FOXP2: variants seen among roughly 807,000 people sequenced by gnomAD.
FOXP2 encodes the protein forkhead box P2, also known as forkhead box protein P2.
In FOXP2, 12 loss-of-function variants were observed where a neutral mutation model predicts 115.8. That is an observed-to-expected ratio of 0.10 (90% CI 0.07 to 0.17). The LOEUF is 0.17. FOXP2 is among the 10% of genes least tolerant of loss of function. The pLI is 1.00. For missense variants in FOXP2, 629 were observed against 843.5 expected, an observed-to-expected ratio of 0.75 and a Z score of 3.15; for synonymous variants, 328 against 297.7, an observed-to-expected ratio of 1.10 and a Z score of -1.05.
chr7:114,190,307 C>T (rs1429155777), intron 1 of FOXP2, among the ~76,000 whole-genome samples: 3 of 152,048 alleles, frequency 2.0e-5, no homozygotes, highest in African/African-American at 7.2e-5. Flanking sequence ...TGACCTTCAC[C>T]GTGGAGGGTG....
intron 3 of FOXP2, among the ~76,000 whole-genome samples, chr7:114,567,522 T>C (rs1801084987): frequency 6.6e-6 from 1 of 152,142 alleles, no homozygotes; most frequent in Non-Finnish European, 1.5e-5. Flanking sequence ...GAAGAATAGA[T>C]TCCTTCTGAA....
At chr7:114,378,054 C>T (rs1792184969) in intron 2 of FOXP2, among the ~76,000 whole-genome samples, 1 of 152,104 alleles carries the variant, frequency 6.6e-6, no homozygotes, top group Non-Finnish European at 1.5e-5. Context: ...CCTCCCTGAC[C>T]TTCCATAGAT....
chr7:114,380,278 G>A (rs913826824), intron 2 of FOXP2, among the ~76,000 whole-genome samples: 4 of 152,162 alleles, frequency 2.6e-5, no homozygotes, highest in African/African-American at 4.8e-5. Context: ...TGGGCATGGA[G>A]GACTAGGTAA....
intron 1 of FOXP2, among the ~76,000 whole-genome samples, chr7:114,222,904 C>T (rs1395648418): frequency 1.3e-5 from 2 of 152,166 alleles, no homozygotes; most frequent in Non-Finnish European, 2.9e-5. Context: ...AGAATCCATA[C>T]TCAACTAAAG....
chr7:114,326,235 T>C (rs1259525220), intron 2 of FOXP2, among the ~76,000 whole-genome samples: 1 of 152,034 alleles, frequency 6.6e-6, no homozygotes, highest in African/African-American at 2.4e-5. Context: ...TAGCAAAGAG[T>C]ACAAAGTTTG....
chr7:114,579,976 T>A (rs1243190819), intron 3 of FOXP2, among the ~76,000 whole-genome samples: 2 of 152,190 alleles, frequency 1.3e-5, no homozygotes, highest in Non-Finnish European at 2.9e-5. Context: ...AGGAGAGGTT[T>A]ATTTGAGGTA....
intron 2 of FOXP2, among the ~76,000 whole-genome samples, chr7:114,389,749 C>T (rs1297936442): frequency 2.0e-5 from 3 of 152,006 alleles, no homozygotes; most frequent in South Asian, 2.1e-4. Context: ...TTTGGCCGGG[C>T]GCAGTGGCTC....
At chr7:114,153,812 A>G (rs1269741999) in intron 1 of FOXP2, among the ~76,000 whole-genome samples, 5 of 152,136 alleles carry the variant, frequency 3.3e-5, no homozygotes. Context: ...GAAGTTCATT[A>G]GAGATATGTC....
intron 3 of FOXP2, among the ~76,000 whole-genome samples, chr7:114,619,708 T>C (rs572806817): frequency 4.6e-4 from 70 of 152,176 alleles, no homozygotes; most frequent in African/African-American, 1.6e-3. Flanking sequence ...TTCCGATTTC[T>C]GTTCAGTTAG....
chr7:114,660,422 A>G (rs1285546226), intron 13 of FOXP2, among the ~76,000 whole-genome samples: 2 of 152,170 alleles, frequency 1.3e-5, no homozygotes, highest in Non-Finnish European at 2.9e-5. Context: ...AAAGGGGAAA[A>G]TGTTTGTAGC....
At chr7:114,514,680 A>AATTT (rs755550241) in intron 2 of FOXP2, among the ~76,000 whole-genome samples, 129 of 150,672 alleles carry the variant, frequency 8.6e-4, no homozygotes, top group Non-Finnish European at 1.3e-3. Flanking sequence ...TTTTACATTC[A>AATTT]ATTTATTTAT....
intron 1 of FOXP2, among the ~76,000 whole-genome samples, chr7:114,212,282 T>C (rs1794378728): frequency 6.6e-6 from 1 of 151,998 alleles, no homozygotes; most frequent in African/African-American, 2.4e-5. Context: ...AGGCATGCCA[T>C]ATTATTGAAC....
At chr7:114,335,263 G>T (rs1214136204) in intron 2 of FOXP2, among the ~76,000 whole-genome samples, 1 of 151,522 alleles carries the variant, frequency 6.6e-6, no homozygotes, top group Non-Finnish European at 1.5e-5. Context: ...TAATGCCAGT[G>T]TATTTTGTAT....
intron 1 of FOXP2, among the ~76,000 whole-genome samples, chr7:114,258,349 T>C (rs1189912552): frequency 6.6e-6 from 1 of 152,206 alleles, no homozygotes; most frequent in Non-Finnish European, 1.5e-5. Flanking sequence ...TTAATGTTCC[T>C]ATGCAAAGGA....
chr7:114,652,526 T>C (rs1161847582), intron 9 of FOXP2, among the ~76,000 whole-genome samples: 1 of 152,114 alleles, frequency 6.6e-6, no homozygotes, highest in Non-Finnish European at 1.5e-5. Context: ...GACCACATCA[T>C]ATGAATTTGA....
rs757312977 is a variant in FOXP2 at position 114,485,791 on chromosome 7, T to A, written c.169-48826T>A. On this transcript the variant is annotated intron_variant, in intron 2 of 16. Coordinates refer to ENST00000350908, the MANE Select transcript of FOXP2 (RefSeq NM_014491.4). ...TGTTCACTTACAAAATTTACAGAAA[T>A]AGGTAATGAACTATGAAGATGGAAA... is the stretch of plus-strand genomic sequence containing the variant. Among the ~76,000 whole-genome samples the A allele has an allele frequency of 7.3e-4, 111 of 152,070 alleles. 1 individual carries two copies. The highest frequency in any genetic ancestry group is 2.6e-4 in the Non-Finnish European group (18 of 68,026).
intron 2 of FOXP2, among the ~76,000 whole-genome samples, chr7:114,394,409 A>G (rs1425898794): frequency 6.6e-6 from 1 of 151,994 alleles, no homozygotes; most frequent in Non-Finnish European, 1.5e-5. Context: ...ACACACACAC[A>G]CACACACACA....
intron 2 of FOXP2, among the ~76,000 whole-genome samples, chr7:114,328,233 C>CTTTTTTTTTTTTT (rs1193894946): frequency 7.7e-6 from 1 of 129,604 alleles, no homozygotes; most frequent in African/African-American, 2.9e-5. Flanking sequence ...CTTTTCTTTT[C>CTTTTTTTTTTTTT]TTTTTTTTTT....
At chr7:114,609,730 C>A (rs977284077) in intron 3 of FOXP2, among the ~76,000 whole-genome samples, 1 of 152,170 alleles carries the variant, frequency 6.6e-6, no homozygotes, top group Non-Finnish European at 1.5e-5. Context: ...CTTTTTGTCA[C>A]AATCACTTTC....
Sources: allele counts gnomAD v4.1 joint callset (sites outside exome capture counted in the v4.1 genomes callset), GRCh38; gene constraint gnomAD v4.1.1; transcripts MANE v1.5; gene names NCBI Gene and HGNC (gene_info 2026-07-23, HGNC 2026-07-21).